The following SEC14L1 variants were observed in gnomAD, a reference collection of about 807,000 sequenced individuals.
SEC14L1 encodes the protein SEC14 like lipid binding 1.
A neutral mutation model predicts 85.3 loss-of-function variants in SEC14L1; 48 were observed. The observed-to-expected ratio is 0.56, with a 90% confidence interval of 0.45 to 0.72. The LOEUF is 0.72. Among genes scored for constraint, SEC14L1 ranks in the 30% least tolerant of loss-of-function variants. The probability of loss-of-function intolerance (pLI) is 0.00; values close to 1 mark genes in which losing one functional copy is unlikely to be tolerated. For synonymous variants in SEC14L1, 391 were observed against 355.5 expected, an observed-to-expected ratio of 1.10 and a Z score of -1.12; for missense variants, 682 against 921.4, an observed-to-expected ratio of 0.74 and a Z score of 3.36.
chr17:77,203,574 G>T lies in SEC14L1; in HGVS notation c.1014G>T (p.Gly338=), dbSNP rs1434695101. 3.1e-6 allele frequency: 5 copies of T among 1,613,328 alleles called. No homozygotes were observed. The African/African-American group carries it at 6.7e-5, about 22-fold the overall frequency. ...ATTCCTTCCCCTCCTCTGCAGATGG[G>T]CGGCCCCTCTACGTGCTCAGGCTGG... ...AGGWHHHDKD[G]RPLYVLRLGQ... Residue 338 remains glycine (G), a synonymous_variant, in exon 10 of 17, where the codon GGG becomes GGT. Transcript: ENST00000436233.
intron 3 of SEC14L1, among the ~76,000 whole-genome samples, chr17:77,158,798 CTTTTTTTTTTTTTTTTTTTTTTT>C (rs34186028): frequency 5.1e-5 from 2 of 39,188 alleles, no homozygotes; most frequent in Non-Finnish European, 8.9e-5. Flanking sequence ...GCTTTCTTTC[CTTTTTTTTTTTTTTTTTTTTTTT>C]TTTTTTTTTT....
At chr17:77,209,928 C>G (rs1017578476) in intron 14 of SEC14L1, 1 of 152,686 alleles carries the variant, frequency 6.5e-6, no homozygotes, top group African/African-American at 2.4e-5. Context: ...CTGCAACCTC[C>G]GCCTTATGGG....
intron 3 of SEC14L1, among the ~76,000 whole-genome samples, chr17:77,169,110 C>T (rs1307529775): frequency 1.4e-5 from 2 of 145,806 alleles, no homozygotes; most frequent in African/African-American, 2.5e-5. Flanking sequence ...TCACGTGCCG[C>T]TCCAGTTTCT....
At chr17:77,090,263 G>T (rs1971478302) in intron 2 of SEC14L1, among the ~76,000 whole-genome samples, 1 of 150,716 alleles carries the variant, frequency 6.6e-6, no homozygotes, top group African/African-American at 2.4e-5. Context: ...CTATACTGCA[G>T]CCTGGGTGAC....
At chr17:77,202,819 C>T (rs1976224173) in intron 9 of SEC14L1, among the ~76,000 whole-genome samples, 1 of 151,358 alleles carries the variant, frequency 6.6e-6, no homozygotes, top group Non-Finnish European at 1.5e-5. Flanking sequence ...ACTTGGGAGG[C>T]TGAGGCAGGA....
chr17:77,146,434 C>G (rs1402536803), intron 3 of SEC14L1, among the ~76,000 whole-genome samples: 1 of 152,204 alleles, frequency 6.6e-6, no homozygotes, highest in African/African-American at 2.4e-5. Context: ...ATTTCCCTTA[C>G]TTCACTATTT....
At chr17:77,090,644 G>C (rs904845019) in intron 2 of SEC14L1, among the ~76,000 whole-genome samples, 1 of 151,902 alleles carries the variant, frequency 6.6e-6, no homozygotes, top group African/African-American at 2.4e-5. Flanking sequence ...GGAACTGAAA[G>C]AAGGCCTTTG....
At chr17:77,136,419 C>T (rs1972803362), upstream of SEC14L1, among the ~76,000 whole-genome samples, 1 of 151,516 alleles carries the variant, frequency 6.6e-6, no homozygotes, top group Non-Finnish European at 1.5e-5. Flanking sequence ...CACACATTAC[C>T]ACTACATTTT....
chr17:77,210,207 C>A (rs751901550), intron 14 of SEC14L1: 5 of 152,250 alleles, frequency 3.3e-5, no homozygotes, highest in Non-Finnish European at 7.3e-5. Context: ...TTTCCGATTT[C>A]TGTAAGTCTA....
In SEC14L1 at chr17:77,204,875, C is replaced by T. The variant is rs112940153; in HGVS notation, c.1099-401C>T. On this transcript the variant is annotated intron_variant, in intron 10 of 16. Coordinates refer to ENST00000436233, the MANE Select transcript of SEC14L1 (RefSeq NM_001143998.2). ...AAAGCAAAGGATCGCTTGAGCCATGCCTTACATCTGTTCTCAGGCTGCCTT... is the reference window on the plus strand; with the variant it reads ...AAAGCAAAGGATCGCTTGAGCCATGTCTTACATCTGTTCTCAGGCTGCCTT... Among the ~76,000 whole-genome samples, 1,114 of 152,268 alleles carry T rather than the reference C, an allele frequency of 7.3e-3. 15 individuals are homozygous for T. The highest frequency in any genetic ancestry group is 0.025 in the African/African-American group (1,036 of 41,534).
intron 3 of SEC14L1, among the ~76,000 whole-genome samples, chr17:77,190,583 A>G (rs993794881): frequency 6.6e-6 from 1 of 152,236 alleles, no homozygotes; most frequent in African/African-American, 2.4e-5. Context: ...GAATGATGTT[A>G]CTTATGGGGA....
At chr17:77,105,638 T>G (rs1207543000) in intron 3 of SEC14L1, among the ~76,000 whole-genome samples, 1 of 152,092 alleles carries the variant, frequency 6.6e-6, no homozygotes, top group Non-Finnish European at 1.5e-5. Context: ...CAAATTAAAC[T>G]GACCAAAGAA....
chr17:77,104,332 A>G (rs544100319), intron 3 of SEC14L1, among the ~76,000 whole-genome samples: 44 of 148,796 alleles, frequency 3.0e-4, no homozygotes, highest in Non-Finnish European at 4.9e-4. Flanking sequence ...CCATTTGGCC[A>G]GAATGGTCTC....
chr17:77,126,694 A>T (rs1357149795), intron 3 of SEC14L1, among the ~76,000 whole-genome samples: 2 of 152,214 alleles, frequency 1.3e-5, no homozygotes, highest in Admixed American at 6.5e-5. Context: ...CCTGCCAAGG[A>T]CAGCAACATC....
intron 2 of SEC14L1, among the ~76,000 whole-genome samples, chr17:77,092,816 C>G (rs1971548429): frequency 6.6e-6 from 1 of 152,056 alleles, no homozygotes; most frequent in Non-Finnish European, 1.5e-5. Flanking sequence ...GGCGTGGTGG[C>G]ACATGCCTGT....
intron 2 of SEC14L1, chr17:77,089,396 A>AT: frequency 3.9e-6 from 2 of 519,092 alleles, no homozygotes; most frequent in South Asian, 2.8e-5. Context: ...CCTAAAGTAA[A>AT]TTCCCGGAAG....
intron 3 of SEC14L1, among the ~76,000 whole-genome samples, chr17:77,133,880 A>C (rs1450687764): frequency 1.4e-5 from 2 of 144,230 alleles, no homozygotes; most frequent in Non-Finnish European, 3.0e-5. Context: ...TGGAGGTTGC[A>C]GTGAACTAAG....
At chr17:77,092,249 CA>C (rs1971534803) in intron 2 of SEC14L1, among the ~76,000 whole-genome samples, 1 of 152,166 alleles carries the variant, frequency 6.6e-6, no homozygotes, top group African/African-American at 2.4e-5. Context: ...TAAGTACCTA[CA>C]GGGGTAAGCA....
In SEC14L1 at chr17:77,188,533, A is replaced by G. The variant is rs149137533; in HGVS notation, c.64-2270A>G. On this transcript the variant is annotated intron_variant, in intron 3 of 16. Coordinates refer to ENST00000436233, the MANE Select transcript of SEC14L1 (RefSeq NM_001143998.2). ...CCGTGGTGTGGCTGCAGCGCAGTCC[A>G]TTTAGCCTCACTCAGGAAGGACATC... is the stretch of plus-strand genomic sequence containing the variant. 2.8e-3 allele frequency among the ~76,000 whole-genome samples: 422 copies of G among 151,520 alleles called. 9 individuals are homozygous for G. Among genetic ancestry groups the G allele is most frequent in the Admixed American group, 0.023 (356 of 15,198 alleles).
Sources: allele counts gnomAD v4.1 joint callset (sites outside exome capture counted in the v4.1 genomes callset), GRCh38; gene constraint gnomAD v4.1.1; transcripts MANE v1.5; gene names NCBI Gene and HGNC (gene_info 2026-07-23, HGNC 2026-07-21).